RIMS2: variants seen among roughly 807,000 people sequenced by gnomAD.
RIMS2 encodes the protein regulating synaptic membrane exocytosis 2.
A neutral mutation model predicts 174.4 loss-of-function variants in RIMS2; 59 were observed. The observed-to-expected ratio is 0.34, with a 90% CI of 0.27 to 0.42. The LOEUF (loss-of-function observed/expected upper bound fraction) is 0.42, where lower values mean the gene tolerates loss of function less well. Among genes scored for constraint, RIMS2 ranks in the 10% least tolerant of loss-of-function variants. RIMS2 has a pLI of 1.00. For missense variants in RIMS2, 1,620 were observed against 1,666.3 expected, an observed-to-expected ratio of 0.97 and a Z score of 0.48; for synonymous variants, 606 against 572.5, an observed-to-expected ratio of 1.06 and a Z score of -0.84.
chr8:104,068,653 C>T (rs2154561327), intron 19 of RIMS2, 41 bp downstream of exon 23: 1 of 973,636 alleles, frequency 1.0e-6, no homozygotes, highest in Non-Finnish European at 1.6e-6. Flanking sequence ...AATAATCAAT[C>T]ATATGAAACA....
chr8:103,943,978 G>T (rs2083132835), intron 14 of RIMS2, among the ~76,000 whole-genome samples: 1 of 152,072 alleles, frequency 6.6e-6, no homozygotes, highest in African/African-American at 2.4e-5. Context: ...CTGAATAGAA[G>T]AATACATTAT....
At chr8:103,570,119 C>A (rs919827692) in intron 1 of RIMS2, among the ~76,000 whole-genome samples, 5 of 152,132 alleles carry the variant, frequency 3.3e-5, no homozygotes, top group Non-Finnish European at 4.4e-5. Context: ...TCCTTTAGAA[C>A]TGCATTAGGT....
At chr8:104,030,158 A>C (rs2096358475) in intron 19 of RIMS2, among the ~76,000 whole-genome samples, 1 of 152,108 alleles carries the variant, frequency 6.6e-6, no homozygotes, top group African/African-American at 2.4e-5. Flanking sequence ...ATACCAGAGC[A>C]TTGTGTATGG....
intron 15 of RIMS2, among the ~76,000 whole-genome samples, chr8:103,970,091 A>G (rs929065676): frequency 5.9e-5 from 9 of 152,110 alleles, no homozygotes; most frequent in African/African-American, 2.2e-4. Context: ...TGATAGGCAG[A>G]TATGATGTGC....
chr8:104,024,236 C>T (rs990635228), intron 19 of RIMS2, among the ~76,000 whole-genome samples: 13 of 152,328 alleles, frequency 8.5e-5, no homozygotes, highest in African/African-American at 2.4e-4. Flanking sequence ...TGTAATGCCA[C>T]GTGGCCTCGA....
intron 17 of RIMS2, among the ~76,000 whole-genome samples, chr8:104,002,173 G>T (rs1565783667): frequency 6.6e-6 from 1 of 151,944 alleles, no homozygotes; most frequent in Non-Finnish European, 1.5e-5. Flanking sequence ...TGGACTCCAT[G>T]ATTGCACACT....
intron 19 of RIMS2, among the ~76,000 whole-genome samples, chr8:104,076,957 C>T (rs749099490): frequency 3.9e-5 from 6 of 151,938 alleles, no homozygotes; most frequent in Non-Finnish European, 7.4e-5. Context: ...ACTGGGATTA[C>T]AGGCACGTGC....
chr8:104,074,933 G>A (rs1474841400), intron 19 of RIMS2, among the ~76,000 whole-genome samples: 3 of 152,094 alleles, frequency 2.0e-5, no homozygotes, highest in South Asian at 4.2e-4. Context: ...ATGTAGATTA[G>A]ATAGCCTTAT....
intron 1 of RIMS2, among the ~76,000 whole-genome samples, chr8:103,545,330 A>AAAAAC (rs1245082572): frequency 1.3e-5 from 2 of 152,192 alleles, no homozygotes; most frequent in Admixed American, 1.3e-4. Flanking sequence ...AAAAACAAAA[A>AAAAAC]AAAACAAAAC....
chr8:103,563,024 C>A (rs544320532), intron 1 of RIMS2, among the ~76,000 whole-genome samples: 1 of 152,234 alleles, frequency 6.6e-6, no homozygotes, highest in East Asian at 1.9e-4. Flanking sequence ...TGAAGGGGGA[C>A]CAAGGGCCTG....
chr8:103,607,616 TC>T (rs1283364878), intron 1 of RIMS2, among the ~76,000 whole-genome samples: 2 of 143,788 alleles, frequency 1.4e-5, no homozygotes, highest in African/African-American at 5.3e-5. Context: ...GGTTCCATTC[TC>T]CCCATCACTT....
intron 4 of RIMS2, among the ~76,000 whole-genome samples, chr8:103,887,464 G>T (rs549907636): frequency 6.6e-6 from 1 of 150,398 alleles, no homozygotes; most frequent in Non-Finnish European, 1.5e-5. Flanking sequence ...CTCTTTATTC[G>T]CTTCCAAATC....
At chr8:103,672,594 A>T (rs913391234) in intron 1 of RIMS2, among the ~76,000 whole-genome samples, 1 of 151,812 alleles carries the variant, frequency 6.6e-6, no homozygotes, top group Non-Finnish European at 1.5e-5. Context: ...TTTAAAGATA[A>T]CCAGAGTTAG....
chr8:103,507,473 A>G (rs147765394), intron 1 of RIMS2, among the ~76,000 whole-genome samples: 57 of 152,248 alleles, frequency 3.7e-4, no homozygotes, highest in Admixed American at 2.6e-3. Flanking sequence ...AATCGGGTGA[A>G]TGAACGCACA....
chr8:104,019,548 A>G (rs974252233), intron 19 of RIMS2, among the ~76,000 whole-genome samples: 5 of 152,158 alleles, frequency 3.3e-5, no homozygotes, highest in Non-Finnish European at 2.9e-5. Context: ...CTCTTAAGCT[A>G]CTAGAATTAC....
chr8:103,506,665 TC>T (rs1211912745), intron 1 of RIMS2, among the ~76,000 whole-genome samples: 1 of 152,182 alleles, frequency 6.6e-6, no homozygotes, highest in Non-Finnish European at 1.5e-5. Flanking sequence ...TTAAACCTTA[TC>T]ATAGGATTGC....
intron 3 of RIMS2, among the ~76,000 whole-genome samples, chr8:103,789,215 C>T (rs979629525): frequency 6.6e-6 from 1 of 152,070 alleles, no homozygotes; most frequent in Admixed American, 6.5e-5. Context: ...GATGGAAATG[C>T]AGAAATCACC....
chr8:103,995,109 C>A (rs979394553), intron 17 of RIMS2, among the ~76,000 whole-genome samples: 1 of 152,034 alleles, frequency 6.6e-6, no homozygotes, highest in African/African-American at 2.4e-5. Flanking sequence ...TACATAGGCT[C>A]ATAATCTTCT....
intron 3 of RIMS2, among the ~76,000 whole-genome samples, chr8:103,804,610 ATT>A (rs1321355253): frequency 6.6e-6 from 1 of 152,124 alleles, no homozygotes; most frequent in Non-Finnish European, 1.5e-5. Flanking sequence ...ACTGACTCTT[ATT>A]TCTAGGAGGA....
Sources: gnomAD v4.1 joint callset for allele counts (sites outside exome capture counted in the v4.1 genomes callset) on GRCh38, gnomAD v4.1.1 for gene constraint, MANE v1.5 for transcripts, NCBI Gene and HGNC (gene_info 2026-07-23, HGNC 2026-07-21) for gene names.